Variants in MIER1 observed in about 807,000 individuals in gnomAD.
MIER1 encodes MIER1 transcriptional regulator.
MIER1 carries 40 observed loss-of-function variants against 75.7 expected under a neutral mutation model. The observed-to-expected ratio is 0.53, with a 90% confidence interval of 0.41 to 0.69. MIER1 has a LOEUF of 0.69. Among genes scored for constraint, MIER1 ranks in the 30% least tolerant of loss-of-function variants. The pLI is 0.00. For missense variants in MIER1, 574 were observed against 680.2 expected, an observed-to-expected ratio of 0.84 and a Z score of 1.74; for synonymous variants, 213 against 223.4, an observed-to-expected ratio of 0.95 and a Z score of 0.42.
intron 5 of MIER1, 99 bp from the exon 6 acceptor site, chr1:66,958,750 TTA>T (rs1191508826): frequency 3.4e-6 from 3 of 890,020 alleles, no homozygotes; most frequent in Non-Finnish European, 3.4e-6. Context: ...TATATTCATT[TTA>T]GTCTTCTGCA....
In MIER1 at chr1:66,985,852, G is replaced by A; in HGVS notation, c.*952G>A. Reference sequence around the variant, plus strand: ...TTTTTTTTTTTAAATTTCTACTTAAGGGCAAGTAATTTGAGAATTCTGAAA... The same window carrying A: ...TTTTTTTTTTTAAATTTCTACTTAAAGGCAAGTAATTTGAGAATTCTGAAA... On this transcript the variant is annotated 3_prime_UTR_variant, in exon 14 of 14. Coordinates refer to ENST00000401041, the MANE Select transcript of MIER1 (RefSeq NM_001077700.3). The A allele has an allele frequency of 2.5e-6, 2 of 808,460 alleles. No homozygotes were observed. Among genetic ancestry groups the A allele is most frequent in the Non-Finnish European group, 3.0e-6 (2 of 673,938 alleles). 50.1% of individuals were successfully genotyped at this position (808,460 alleles called of 1,614,324 possible).
intron 4 of MIER1, among the ~76,000 whole-genome samples, chr1:66,956,461 A>C (rs186693020): frequency 8.5e-4 from 130 of 152,246 alleles, no homozygotes; most frequent in African/African-American, 3.1e-3. Flanking sequence ...CTACACTTCT[A>C]TCTCTTATTT....
chr1:66,925,132 A>AT (rs1651181578), intron 1 of MIER1, 37 bp downstream of exon 1: 2 of 1,539,672 alleles, frequency 1.3e-6, no homozygotes, highest in Admixed American at 4.3e-5. Flanking sequence ...CTCCCCTTCT[A>AT]TTCCAGTTTG....
At chr1:66,926,416 T>G (rs1464829670) in intron 2 of MIER1, among the ~76,000 whole-genome samples, 174 bp downstream of exon 2, 1 of 152,190 alleles carries the variant, frequency 6.6e-6, no homozygotes, top group Non-Finnish European at 1.5e-5. Context: ...ACCATAATCA[T>G]AGTTTGTAAT....
At chr1:66,934,810 CAAAGT>C (rs1047370215) in intron 2 of MIER1, among the ~76,000 whole-genome samples, 8 of 152,076 alleles carry the variant, frequency 5.3e-5, no homozygotes, top group Non-Finnish European at 1.0e-4. Context: ...AGAGTAATAA[CAAAGT>C]TAAGTAACTT....
rs186092705 is a variant in MIER1 at position 66,938,075 on chromosome 1, A to G, written c.169-1953A>G. Among the ~76,000 whole-genome samples the G allele has an allele frequency of 2.4e-4, 36 of 152,336 alleles. No individual in the cohort carries two copies. In the South Asian group the frequency reaches 4.1e-3, roughly 18 times the overall value. ...CTGGGTGTTCTACTCTGTATCAGCT[A>G]TGCTTACAAATGCTACTAGTCCTCA... On this transcript the variant is annotated intron_variant, in intron 2 of 13. Transcript: ENST00000401041.
intron 2 of MIER1, among the ~76,000 whole-genome samples, chr1:66,934,405 C>CTTTTT (rs34839262): frequency 8.1e-5 from 11 of 135,462 alleles, no homozygotes; most frequent in Admixed American, 1.5e-4. Flanking sequence ...TTCTTTCTTT[C>CTTTTT]TTTTTTTTTT....
intron 8 of MIER1, among the ~76,000 whole-genome samples, chr1:66,963,620 G>A (rs1243128541): frequency 6.6e-6 from 1 of 152,130 alleles, no homozygotes; most frequent in Non-Finnish European, 1.5e-5. Flanking sequence ...TTAAAATGGA[G>A]TACTTTGGAC....
At chr1:66,954,778 C>G (rs889110377) in intron 4 of MIER1, among the ~76,000 whole-genome samples, 5 of 151,860 alleles carry the variant, frequency 3.3e-5, no homozygotes, top group Non-Finnish European at 5.9e-5. Context: ...ATGATCTCAG[C>G]TCACTGCAAC....
At chr1:66,937,414 GTC>G (rs1448138525) in intron 2 of MIER1, among the ~76,000 whole-genome samples, 1 of 152,004 alleles carries the variant, frequency 6.6e-6, no homozygotes, top group Non-Finnish European at 1.5e-5. Context: ...TGGTGAAACC[GTC>G]TCTATTAAAA....
chr1:66,958,736 C>T, intron 5 of MIER1, 115 bp from the exon 6 acceptor site: 3 of 736,992 alleles, frequency 4.1e-6, no homozygotes, highest in East Asian at 5.4e-5. Context: ...GATACTACAT[C>T]TAGTATATTC....
chr1:66,939,709 G>C (rs1009850542), intron 2 of MIER1, among the ~76,000 whole-genome samples: 1 of 152,024 alleles, frequency 6.6e-6, no homozygotes, highest in Non-Finnish European at 1.5e-5. Flanking sequence ...AAAATTCCAA[G>C]ATCTAAAATC....
chr1:66,977,839 A>T (rs374040201), intron 12 of MIER1, among the ~76,000 whole-genome samples: 9 of 152,224 alleles, frequency 5.9e-5, no homozygotes, highest in East Asian at 1.9e-4. Flanking sequence ...AAAATAAAAA[A>T]AAATTGACTT....
Position 66,972,905 on chromosome 1 carries a change from T to C in MIER1, c.1015T>C (p.Ser339Pro), listed in dbSNP as rs1313438166. The C allele has an allele frequency of 4.4e-6, 7 of 1,577,202 alleles. No homozygotes were observed. Among genetic ancestry groups the C allele is most frequent in the Non-Finnish European group, 2.6e-6 (3 of 1,148,748 alleles). The change falls in exon 11 of 14, where the codon TCT becomes CCT. Residue 339 changes from serine (S) to proline (P), a missense_variant. By Grantham distance (74) the Ser-to-Pro change is moderately conservative. This residue lies in a region of MIER1 where 101 missense variants were observed against 173.1 expected (regional missense o/e 0.58). Transcript: ENST00000401041. Reference sequence around the variant, plus strand: ...TCCTCCCATCTTGTCAGAGGAATTATCTGTTTGGACAGAGGAAGAGTGTAG... The same window carrying C: ...TCCTCCCATCTTGTCAGAGGAATTACCTGTTTGGACAGAGGAAGAGTGTAG... ...FNVKAAREEL[S>P]VWTEEECRNF...
chr1:66,967,892 T>C (rs915195856), intron 8 of MIER1, among the ~76,000 whole-genome samples: 2 of 152,166 alleles, frequency 1.3e-5, no homozygotes, highest in African/African-American at 2.4e-5. Flanking sequence ...TAATAGTTTT[T>C]TGTGGCGTCT....
intron 4 of MIER1, chr1:66,948,070 ATTGT>A (rs1444922753): frequency 4.1e-6 from 4 of 964,734 alleles, no homozygotes; most frequent in East Asian, 1.2e-4. Context: ...ACAATTTGTA[ATTGT>A]TTGTTTAATT....
intron 2 of MIER1, among the ~76,000 whole-genome samples, chr1:66,929,907 A>G (rs1279571082): frequency 6.6e-6 from 1 of 152,252 alleles, no homozygotes; most frequent in Non-Finnish European, 1.5e-5. Context: ...ATGCATTTCA[A>G]AAACGACCTA....
intron 4 of MIER1, among the ~76,000 whole-genome samples, chr1:66,956,142 G>C (rs564427355): frequency 5.3e-4 from 80 of 152,262 alleles, no homozygotes; most frequent in South Asian, 5.0e-3. Flanking sequence ...CTAGCTTTAG[G>C]CTGGGCACGG....
chr1:66,975,824 G>A (rs1023099069), intron 11 of MIER1, among the ~76,000 whole-genome samples: 1 of 152,166 alleles, frequency 6.6e-6, no homozygotes, highest in African/African-American at 2.4e-5. Context: ...AGACTTTCTA[G>A]AGAGTAAATT....
Sources: allele counts gnomAD v4.1 joint callset (sites outside exome capture counted in the v4.1 genomes callset), GRCh38; gene constraint gnomAD v4.1.1; regional missense constraint gnomAD v4.1.1; transcripts MANE v1.5; gene names NCBI Gene and HGNC (gene_info 2026-07-23, HGNC 2026-07-21).